The following EXPH5 variants were observed in gnomAD, a reference collection of about 807,000 sequenced individuals.
EXPH5 encodes exophilin 5.
In EXPH5, 42 loss-of-function variants were observed where a neutral mutation model predicts 41.1. The observed-to-expected ratio is 1.02, with a 90% CI of 0.80 to 1.32. EXPH5 has a LOEUF of 1.32. EXPH5 is among the 40% of genes most tolerant of loss of function. The pLI, the probability that EXPH5 is intolerant of heterozygous loss-of-function variation, is 0.00. For synonymous variants in EXPH5, 798 were observed against 833.5 expected (o/e 0.96, Z 0.73); for missense variants, 2,298 against 2,314.5 (o/e 0.99, Z 0.15).
chr11:108,601,955 G>A, the EXPH5 span, among the ~76,000 whole-genome samples: 1 of 151,972 alleles, frequency 6.6e-6, no homozygotes, highest in African/African-American at 2.4e-5. Context: ...CACCATGTTG[G>A]CCAGGCTGGT....
intron 1 of EXPH5, among the ~76,000 whole-genome samples, chr11:108,592,786 A>T (rs2094130576): frequency 6.6e-6 from 1 of 152,210 alleles, no homozygotes; most frequent in South Asian, 2.1e-4. Flanking sequence ...CATTCCAGCC[A>T]ACCCCGTGTG....
chr11:108,567,556 C>T (rs1281031501), intron 1 of EXPH5, among the ~76,000 whole-genome samples: 1 of 152,172 alleles, frequency 6.6e-6, no homozygotes, highest in African/African-American at 2.4e-5. Context: ...ATTCTCATGT[C>T]CTGTCCTCCC....
intron 3 of EXPH5, among the ~76,000 whole-genome samples, chr11:108,536,472 C>G (rs1027061048): frequency 6.6e-6 from 1 of 152,104 alleles, no homozygotes; most frequent in Non-Finnish European, 1.5e-5. Flanking sequence ...CCATGTTGCT[C>G]AAGCTGGTCT....
Position 108,541,663 on chromosome 11 carries a change from A to G in EXPH5, c.269T>C (p.Met90Thr). ...QPLTYRLSKE[M>T]AKNDPIELPT... ...AATCTTTTTCTTACCATTTTTTGCCATCTCCTTACTTAGCCTGTATGTAAG... is the reference window on the plus strand; with the variant it reads ...AATCTTTTTCTTACCATTTTTTGCCGTCTCCTTACTTAGCCTGTATGTAAG... Residue 90 changes from methionine to threonine, a missense_variant, in exon 2 of 6, where the codon ATG becomes ACG. Coordinates refer to ENST00000265843, the MANE Select transcript of EXPH5 (RefSeq NM_015065.3). 5 of 1,586,970 alleles carry G rather than the reference A, an allele frequency of 3.2e-6. No homozygotes were observed. Among genetic ancestry groups the G allele is most frequent in the Non-Finnish European group, 4.3e-6 (5 of 1,171,598 alleles).
intron 1 of EXPH5, among the ~76,000 whole-genome samples, chr11:108,585,320 T>C (rs556313240): frequency 6.6e-6 from 1 of 152,336 alleles, no homozygotes; most frequent in South Asian, 2.1e-4. Flanking sequence ...AGAATTCATA[T>C]GTTGAGCCCT....
intron 1 of EXPH5, among the ~76,000 whole-genome samples, chr11:108,575,941 G>A (rs191952234): frequency 2.6e-5 from 4 of 152,268 alleles, no homozygotes; most frequent in South Asian, 2.1e-4. Context: ...CAGCCTGGGC[G>A]ACAGAATGAG....
chr11:108,557,607 C>T (rs923513003), intron 1 of EXPH5, among the ~76,000 whole-genome samples: 2 of 152,102 alleles, frequency 1.3e-5, no homozygotes, highest in African/African-American at 4.8e-5. Context: ...CTCAGCCTCC[C>T]GAAGTGCTGG....
intron 3 of EXPH5, among the ~76,000 whole-genome samples, 199 bp from the exon 4 acceptor site, chr11:108,528,383 T>G (rs989770184): frequency 2.0e-5 from 3 of 152,236 alleles, no homozygotes; most frequent in African/African-American, 7.2e-5. Flanking sequence ...GAATCAATAC[T>G]TTACATCTTT....
chr11:108,599,281 A>T, the EXPH5 span, among the ~76,000 whole-genome samples: 2 of 152,228 alleles, frequency 1.3e-5, no homozygotes, highest in African/African-American at 4.8e-5. Flanking sequence ...GGTAAAAGAA[A>T]AAAAAAAGAT....
Position 108,509,604 on chromosome 11 carries a change from C to T in EXPH5, c.5903G>A (p.Cys1968Tyr), listed in dbSNP as rs2093662886. Reference protein sequence around the residue: ...IYEDDPVDSDCDTDTTTDDEY... With the variant: ...IYEDDPVDSDYDTDTTTDDEY... ...ATCATCTGTGGTTGTGTCTGTGTCA[C>T]AATCTGAGTCCACTGGGTCATCCTC... Residue 1968 changes from cysteine to tyrosine, a missense_variant, in exon 6 of 6, where the codon TGT becomes TAT. By Grantham distance (194) the Cys-to-Tyr change is radical. Coordinates refer to ENST00000265843, the MANE Select transcript of EXPH5 (RefSeq NM_015065.3). 1 of 1,605,752 alleles carries T rather than the reference C, an allele frequency of 6.2e-7. No individual in the cohort carries two copies. Among genetic ancestry groups the T allele is most frequent in the East Asian group, 2.2e-5 (1 of 44,870 alleles).
rs2093694985 is a variant in EXPH5 at position 108,513,094 on chromosome 11, C to T, written c.2413G>A (p.Gly805Ser). Residue 805 changes from glycine (G) to serine (S), a missense_variant, in exon 6 of 6, where the codon GGC becomes AGC. Transcript: ENST00000265843. ...ATGAAAGGAAGGGAAGCTGTTGAGC[C>T]AAGTTTTCTGTTTTCAGTAAACCTC... is the stretch of plus-strand genomic sequence containing the variant. ...DKRFTENRKL[G>S]STASLPFIQE... The T allele has an allele frequency of 6.2e-7, 1 of 1,611,018 alleles. No homozygotes were observed. Among genetic ancestry groups the T allele is most frequent in the African/African-American group, 1.3e-5 (1 of 74,632 alleles).
the EXPH5 span, among the ~76,000 whole-genome samples, chr11:108,600,805 A>G: frequency 1.3e-5 from 2 of 152,176 alleles, 1 homozygote; most frequent in South Asian, 4.1e-4. Flanking sequence ...TTTCCACCAC[A>G]CACAATTGTT....
intron 1 of EXPH5, among the ~76,000 whole-genome samples, chr11:108,563,813 C>T (rs192598836): frequency 2.0e-5 from 3 of 152,152 alleles, no homozygotes; most frequent in Admixed American, 6.5e-5. Flanking sequence ...CTGTCCTAGG[C>T]GTCGCTCTGC....
intron 1 of EXPH5, among the ~76,000 whole-genome samples, chr11:108,556,886 T>C (rs754252466): frequency 1.3e-5 from 2 of 152,248 alleles, no homozygotes; most frequent in Non-Finnish European, 2.9e-5. Flanking sequence ...TGTTAAACTC[T>C]GTGGTCTTCA....
intron 1 of EXPH5, among the ~76,000 whole-genome samples, chr11:108,556,412 C>T (rs533840497): frequency 2.0e-5 from 3 of 152,040 alleles, no homozygotes; most frequent in Non-Finnish European, 4.4e-5. Context: ...GGACCTACTA[C>T]AGGAGAAGGT....
intron 1 of EXPH5, among the ~76,000 whole-genome samples, chr11:108,573,610 T>C (rs1267382181): frequency 6.6e-6 from 1 of 152,216 alleles, no homozygotes; most frequent in Non-Finnish European, 1.5e-5. Flanking sequence ...AAGGGAATTA[T>C]CAAGGGCCTC....
intron 1 of EXPH5, among the ~76,000 whole-genome samples, chr11:108,543,569 A>G (rs2093923608): frequency 6.6e-6 from 1 of 152,194 alleles, no homozygotes; most frequent in Admixed American, 6.5e-5. Context: ...TCCTTTGTTC[A>G]GGGTCTGTCG....
At chr11:108,546,868 T>C (rs1198074169) in intron 1 of EXPH5, among the ~76,000 whole-genome samples, 1 of 151,866 alleles carries the variant, frequency 6.6e-6, no homozygotes, top group East Asian at 1.9e-4. Context: ...AGTGGCACAA[T>C]CTCGGCTCAC....
chr11:108,543,486 G>A (rs1021932073), intron 1 of EXPH5, among the ~76,000 whole-genome samples: 1 of 152,166 alleles, frequency 6.6e-6, no homozygotes, highest in Non-Finnish European at 1.5e-5. Context: ...AAAAAGTTAG[G>A]CATGTTGTTG....
Sources: allele counts gnomAD v4.1 joint callset (sites outside exome capture counted in the v4.1 genomes callset), GRCh38; gene constraint gnomAD v4.1.1; transcripts MANE v1.5; gene names NCBI Gene and HGNC (gene_info 2026-07-23, HGNC 2026-07-21).